The following PPIL1 variants were observed in gnomAD, a reference collection of about 807,000 sequenced individuals.
PPIL1 encodes the protein peptidyl-prolyl cis-trans isomerase-like 1.
In PPIL1, 14 loss-of-function variants were observed where a neutral mutation model predicts 19.4. The ratio of observed to expected loss-of-function variants is 0.72; its 90% CI spans 0.48 to 1.13. The LOEUF (loss-of-function observed/expected upper bound fraction) is 1.13. PPIL1 is among the 50% of genes most tolerant of loss of function. The pLI is 0.00. For missense variants in PPIL1, 192 were observed against 218.0 expected (o/e 0.88, Z 0.75); for synonymous variants, 72 against 73.6 (o/e 0.98, Z 0.11).
At chr6:36,861,629 G>A (rs1004251855) in intron 2 of PPIL1, among the ~76,000 whole-genome samples, 15 of 150,258 alleles carry the variant, frequency 1.0e-4, no homozygotes, top group African/African-American at 3.2e-4. Flanking sequence ...ATCTTCCAAT[G>A]AACAGAACCT....
chr6:36,874,676 C>T (rs1258132198), intron 1 of PPIL1, 41 bp downstream of exon 1: 3 of 1,607,620 alleles, frequency 1.9e-6, no homozygotes, highest in East Asian at 2.2e-5. Flanking sequence ...GCCCGGGCTC[C>T]GCGTCTCCTC....
intron 2 of PPIL1, among the ~76,000 whole-genome samples, chr6:36,868,641 C>T (rs919911698): frequency 1.8e-4 from 28 of 152,162 alleles, no homozygotes; most frequent in African/African-American, 5.1e-4. Context: ...AGTTTGAGAC[C>T]GGCCTCAGCA....
At chr6:36,859,648 G>A (rs542326233) in intron 2 of PPIL1, among the ~76,000 whole-genome samples, 1 of 152,270 alleles carries the variant, frequency 6.6e-6, no homozygotes, top group South Asian at 2.1e-4. Flanking sequence ...CGTGGAATAA[G>A]TGAGAGGTGG....
At chr6:36,870,433 G>A (rs2150660006) in intron 2 of PPIL1, among the ~76,000 whole-genome samples, 1 of 152,072 alleles carries the variant, frequency 6.6e-6, no homozygotes, top group South Asian at 2.1e-4. Flanking sequence ...CCCTACATGT[G>A]GGTTCTACAT....
intron 2 of PPIL1, among the ~76,000 whole-genome samples, chr6:36,864,511 C>G (rs1652444618): frequency 6.6e-6 from 1 of 152,174 alleles, no homozygotes; most frequent in Non-Finnish European, 1.5e-5. Flanking sequence ...TGGTCAAATG[C>G]TCTCAGAGAG....
intron 2 of PPIL1, among the ~76,000 whole-genome samples, chr6:36,861,520 T>G (rs1036379249): frequency 6.6e-6 from 1 of 152,188 alleles, no homozygotes; most frequent in Non-Finnish European, 1.5e-5. Flanking sequence ...AAACCCATGT[T>G]GGTAAAGGCT....
At chr6:36,865,527 C>A (rs983649005) in intron 2 of PPIL1, among the ~76,000 whole-genome samples, 1 of 152,140 alleles carries the variant, frequency 6.6e-6, no homozygotes, top group Non-Finnish European at 1.5e-5. Context: ...CGGGCTCCCT[C>A]CCTACCCCTG....
chr6:36,873,432 G>A (rs1774560852), intron 1 of PPIL1, among the ~76,000 whole-genome samples: 1 of 152,146 alleles, frequency 6.6e-6, no homozygotes, highest in Non-Finnish European at 1.5e-5. Context: ...CATACATACA[G>A]TATGATCATA....
rs1210434502 is a variant in PPIL1, at chr6:36,855,537, C to A, written c.*276G>T. On this transcript the variant is annotated 3_prime_UTR_variant, in exon 4 of 4. Transcript: ENST00000373699. Reference sequence around the variant, plus strand: ...CGACGTATATCAGAGCAGACATGCACAAGAAGCAGCATTATGGTTCATGTG... The same window carrying A: ...CGACGTATATCAGAGCAGACATGCAAAAGAAGCAGCATTATGGTTCATGTG... The A allele has an allele frequency of 2.2e-6, 1 of 446,962 alleles. No individual in the cohort carries two copies. The highest frequency in any genetic ancestry group is 2.0e-5 in the African/African-American group (1 of 50,460). 27.7% of individuals were successfully genotyped at this position (446,962 alleles called of 1,614,324 possible).
chr6:36,871,809 A>C lies in PPIL1; in HGVS notation c.120T>G (p.Ala40=). The change falls in exon 2 of 4, where the codon GCT becomes GCG. Residue 40 remains alanine (A), a synonymous_variant. Transcript: ENST00000373699. The stretch of plus-strand genomic sequence containing the variant: ...TGTAGTAACCTCGACGAGCCAACTC[A>C]GCAAAGTTCTTACAGGTCTTTGGAG... ...KHAPKTCKNF[A]ELARRGYYNG... The C allele has an allele frequency of 6.2e-7, 1 of 1,612,210 alleles. No individual in the cohort carries two copies. The highest frequency in any genetic ancestry group is 1.3e-5 in the African/African-American group (1 of 74,932).
chr6:36,861,133 T>C (rs146669432), intron 2 of PPIL1, among the ~76,000 whole-genome samples: 75 of 152,194 alleles, frequency 4.9e-4, no homozygotes, highest in African/African-American at 1.4e-3. Context: ...ATACACAGGG[T>C]CATAGTTTGA....
chr6:36,859,844 T>TGTGTGTGTGTGTGTGTGTGTGTGTGTGTG, intron 2 of PPIL1, among the ~76,000 whole-genome samples: 22 of 150,370 alleles, frequency 1.5e-4, no homozygotes, highest in South Asian at 4.2e-4. Context: ...TGTGTGTGTG[T>TGTGTGTGTGTGTGTGTGTGTGTGTGTGTG]TTTGAGACAG....
intron 2 of PPIL1, among the ~76,000 whole-genome samples, chr6:36,862,751 G>T (rs1246026191): frequency 6.6e-6 from 1 of 152,176 alleles, no homozygotes; most frequent in Non-Finnish European, 1.5e-5. Context: ...ACGTTCTGTT[G>T]TGTAAGAAAA....
In PPIL1 at chr6:36,866,660, C is replaced by G. The variant is rs536357855; in HGVS notation, c.211+5058G>C. On this transcript the variant is annotated intron_variant, in intron 2 of 3. Transcript: ENST00000373699. ...AAGCTGTGGCATGAGCAACTCACACCTGAGTCACTTCCAATACTTGTACCC... is the reference window on the plus strand; with the variant it reads ...AAGCTGTGGCATGAGCAACTCACACGTGAGTCACTTCCAATACTTGTACCC... Among the ~76,000 whole-genome samples, 5 of 152,230 alleles carry G rather than the reference C, an allele frequency of 3.3e-5. No individual in the cohort carries two copies. In the East Asian group the frequency reaches 9.7e-4, roughly 29 times the overall value.
At chr6:36,872,023 C>T in intron 1 of PPIL1, 151 bp from the exon 2 acceptor site, 2 of 679,508 alleles carry the variant, frequency 2.9e-6, no homozygotes, top group Non-Finnish European at 4.5e-6. Flanking sequence ...AGGAAAACAC[C>T]ACAATGCAAG....
intron 2 of PPIL1, among the ~76,000 whole-genome samples, chr6:36,869,575 GA>G (rs201109926): frequency 6.7e-6 from 1 of 150,152 alleles, no homozygotes. Context: ...TGAGCATTCT[GA>G]AAAAAAAACA....
rs754192875 is a variant in PPIL1, at chr6:36,855,843, C to G, written c.471G>C (p.Val157=). 3.1e-6 allele frequency: 5 copies of G among 1,614,148 alleles called. No individual in the cohort carries two copies. In the East Asian group the frequency reaches 1.1e-4, roughly 36 times the overall value. ...TNSQDRPVDD[V]KIIKAYPSG is the part of the protein sequence containing the mutation. ...CAGAAGGGTATGCCTTAATGATCTT[C>G]ACGTCGTCCACAGGGCGGTCCTGGG... The change falls in exon 4 of 4, where the codon GTG becomes GTC. Residue 157 remains valine, a synonymous_variant. Coordinates refer to ENST00000373699, the MANE Select transcript of PPIL1 (RefSeq NM_016059.5).
At chr6:36,867,797 C>T (rs1342681311) in intron 2 of PPIL1, among the ~76,000 whole-genome samples, 3 of 152,246 alleles carry the variant, frequency 2.0e-5, no homozygotes, top group African/African-American at 7.2e-5. Context: ...CCAGTTCTCT[C>T]CCACACCTCT....
chr6:36,858,066 T>A (rs536081080), intron 2 of PPIL1, among the ~76,000 whole-genome samples: 6 of 149,650 alleles, frequency 4.0e-5, no homozygotes, highest in Non-Finnish European at 7.4e-5. Context: ...CCATCTCTAC[T>A]AAAAATACAA....
Sources: allele counts gnomAD v4.1 joint callset (sites outside exome capture counted in the v4.1 genomes callset), GRCh38; gene constraint gnomAD v4.1.1; transcripts MANE v1.5; gene names NCBI Gene and HGNC (gene_info 2026-07-23, HGNC 2026-07-21).